Variants in SYMPK observed in about 807,000 individuals in gnomAD.
SYMPK encodes the protein symplekin scaffold protein.
SYMPK carries 49 observed loss-of-function variants against 136.4 expected under a neutral mutation model. The observed-to-expected ratio is 0.36, with a 90% CI of 0.29 to 0.46. The LOEUF (loss-of-function observed/expected upper bound fraction) is 0.46. Among genes scored for constraint, SYMPK ranks in the 20% least tolerant of loss-of-function variants. The pLI is 1.00. For missense variants in SYMPK, 1,365 were observed against 1,690.0 expected, an observed-to-expected ratio of 0.81 and a Z score of 3.37; for synonymous variants, 766 against 713.0, an observed-to-expected ratio of 1.07 and a Z score of -1.19.
At chr19:45,859,263 C>T (rs868409339) in intron 1 of SYMPK, among the ~76,000 whole-genome samples, 1 of 151,146 alleles carries the variant, frequency 6.6e-6, no homozygotes, top group African/African-American at 2.4e-5. Context: ...TCTACTTTTT[C>T]CCCCTTTCTC....
In SYMPK at chr19:45,822,823, A is replaced by C; in HGVS notation, c.2724T>G (p.Pro908=). Residue 908 remains proline, a synonymous_variant, in exon 21 of 27, where the codon CCT becomes CCG. Coordinates refer to ENST00000245934, the MANE Select transcript of SYMPK (RefSeq NM_004819.3). ...CGATGGGGTTGAGTTTGATGAGTTT[A>C]GGCAGGGCCTGGATCACCTCTTTCT... ...LEKKEVIQAL[P]KLIKLNPIVV... 1.2e-6 allele frequency: 2 copies of C among 1,613,838 alleles called. No homozygotes were observed. The highest frequency in any genetic ancestry group is 1.7e-6 in the Non-Finnish European group (2 of 1,179,848).
chr19:45,828,031 G>C (rs1971087339), intron 14 of SYMPK, 113 bp from the exon 15 acceptor site: 1 of 913,422 alleles, frequency 1.1e-6, no homozygotes, highest in African/African-American at 1.7e-5. Flanking sequence ...GGGGCTGCTT[G>C]TTCAAGCCCC....
chr19:45,816,535 T>G lies in SYMPK; in HGVS notation c.3301A>C (p.Ser1101Arg), dbSNP rs774658203. The change falls in exon 25 of 27, where the codon AGC becomes CGC. Residue 1101 changes from serine (S) to arginine (R), a missense_variant. By Grantham distance (110) the Ser-to-Arg change is moderately radical. Transcript: ENST00000245934. ...TTGGCCTCTGGCTCCTGCTTGCCGC[T>G]GGCCTCCAAGATGGTCATGATGGAG... ...PNSIMTILEA[S>R]GKQEPEAKEA... The G allele has an allele frequency of 6.2e-7, 1 of 1,613,468 alleles. No individual in the cohort carries two copies. The highest frequency in any genetic ancestry group is 2.2e-5 in the East Asian group (1 of 44,856).
intron 22 of SYMPK, 102 bp from the exon 23 acceptor site, chr19:45,818,248 T>A: frequency 8.0e-7 from 1 of 1,253,212 alleles, no homozygotes; most frequent in Non-Finnish European, 1.1e-6. Flanking sequence ...GGAAGACTTC[T>A]AAAGCCCTGA....
intron 5 of SYMPK, among the ~76,000 whole-genome samples, chr19:45,850,679 A>G (rs1465277035): frequency 2.0e-5 from 3 of 152,158 alleles, no homozygotes; most frequent in Non-Finnish European, 4.4e-5. Flanking sequence ...CAACTCATTC[A>G]CGTGTGCAAC....
At chr19:45,831,669 T>A in intron 11 of SYMPK, 81 bp from the exon 12 acceptor site, 3 of 1,217,672 alleles carry the variant, frequency 2.5e-6, no homozygotes, top group South Asian at 1.6e-5. Flanking sequence ...TGCCTGGCTC[T>A]GTTCTGAGCC....
Position 45,854,525 on chromosome 19 carries a change from A to G in SYMPK, c.-12-18T>C, listed in dbSNP as rs1971775722. ...GCTGTCAGCTTGTCCCCAGGAAAGA[A>G]GAGGATGGATCAAGCTCAGGGAACC... On this transcript the variant is annotated intron_variant, in intron 1 of 26. Coordinates refer to ENST00000245934, the MANE Select transcript of SYMPK (RefSeq NM_004819.3). 6.2e-7 allele frequency: 1 copy of G among 1,603,136 alleles called. No individual in the cohort carries two copies. Among genetic ancestry groups the G allele is most frequent in the East Asian group, 2.2e-5 (1 of 44,828 alleles).
chr19:45,834,460 A>AG (rs1971256738), intron 11 of SYMPK, among the ~76,000 whole-genome samples: 1 of 147,292 alleles, frequency 6.8e-6, no homozygotes, highest in African/African-American at 2.5e-5. Flanking sequence ...CTTTGTCTCA[A>AG]AAAAAAAAAA....
At chr19:45,838,413 G>C in intron 10 of SYMPK, 48 bp downstream of exon 10, 1 of 1,581,674 alleles carries the variant, frequency 6.3e-7, no homozygotes, top group Non-Finnish European at 8.6e-7. Context: ...AGACCGAGGA[G>C]ATCCTTCCTT....
At chr19:45,817,334 G>T (rs1308288508) in intron 23 of SYMPK, among the ~76,000 whole-genome samples, 1 of 151,964 alleles carries the variant, frequency 6.6e-6, no homozygotes, top group East Asian at 1.9e-4. Flanking sequence ...CCGGTGCCGG[G>T]ACCTGTCCTG....
At chr19:45,855,705 G>A in intron 1 of SYMPK, 1 of 151,646 alleles carries the variant, frequency 6.6e-6, no homozygotes, top group Non-Finnish European at 1.5e-5. Context: ...AAAAAAAAAA[G>A]AAAAATGAGG....
intron 11 of SYMPK, among the ~76,000 whole-genome samples, chr19:45,831,864 C>CA (rs1358827545): frequency 6.6e-6 from 1 of 151,036 alleles, no homozygotes; most frequent in African/African-American, 2.4e-5. Context: ...GACTGGGTGT[C>CA]ACTCTGTCAC....
chr19:45,840,312 C>CAAAAAAAAAA (rs546768442), intron 9 of SYMPK, among the ~76,000 whole-genome samples: 1 of 57,146 alleles, frequency 1.7e-5, no homozygotes, highest in Non-Finnish European at 3.6e-5. Context: ...GAGACTGTCT[C>CAAAAAAAAAA]AAAAAAAAAA....
At chr19:45,817,481 G>A (rs903791097) in intron 23 of SYMPK, among the ~76,000 whole-genome samples, 20 of 143,492 alleles carry the variant, frequency 1.4e-4, no homozygotes, top group Non-Finnish European at 4.5e-5. Context: ...AGGCTAGAGT[G>A]CAGTGAGTGG....
intron 13 of SYMPK, among the ~76,000 whole-genome samples, 197 bp downstream of exon 13, chr19:45,829,857 C>T (rs1600503689): frequency 6.6e-6 from 1 of 152,214 alleles, no homozygotes; most frequent in South Asian, 2.1e-4. Context: ...ATTTCCTCCT[C>T]GTCACCCAGG....
intron 12 of SYMPK, 108 bp from the exon 13 acceptor site, chr19:45,830,312 A>G: frequency 7.9e-7 from 1 of 1,262,738 alleles, no homozygotes; most frequent in South Asian, 1.4e-5. Context: ...GATGGCCCCC[A>G]TCCCCCTGCT....
intron 18 of SYMPK, 64 bp downstream of exon 18, chr19:45,825,107 G>A (rs1406573382): frequency 2.6e-6 from 4 of 1,565,104 alleles, no homozygotes; most frequent in Admixed American, 1.7e-5. Flanking sequence ...TTGGGGAAGA[G>A]CTGGAGCTGG....
chr19:45,820,689 C>G (rs996663523), intron 22 of SYMPK: 5 of 156,576 alleles, frequency 3.2e-5, no homozygotes, highest in Non-Finnish European at 5.6e-5. Context: ...GACGCGGAAC[C>G]GGCAGAGCTG....
chr19:45,848,985 G>T (rs765020995), intron 5 of SYMPK, 109 bp from the exon 6 acceptor site: 17 of 1,321,446 alleles, frequency 1.3e-5, no homozygotes, highest in Admixed American at 1.8e-5. Context: ...TCAGGGGACC[G>T]GAATGGCACA....
Sources: allele counts gnomAD v4.1 joint callset (sites outside exome capture counted in the v4.1 genomes callset), GRCh38; gene constraint gnomAD v4.1.1; transcripts MANE v1.5; gene names NCBI Gene and HGNC (gene_info 2026-07-23, HGNC 2026-07-21).